The following COL12A1 variants were observed in gnomAD, a reference collection of about 807,000 sequenced individuals.
The protein encoded by COL12A1 is collagen alpha-1(XII) chain.
In COL12A1, 114 loss-of-function variants were observed where a neutral mutation model predicts 349.7. That is an observed-to-expected ratio of 0.33 (90% CI 0.28 to 0.38). COL12A1 has a LOEUF of 0.38. Ranked by LOEUF, COL12A1 falls within the 10% of genes least tolerant of loss-of-function variation. The pLI, the probability that COL12A1 is intolerant of heterozygous loss-of-function variation, is 1.00. For synonymous variants in COL12A1, 1,369 were observed against 1,329.0 expected, an observed-to-expected ratio of 1.03 and a Z score of -0.66; for missense variants, 3,284 against 3,756.9, an observed-to-expected ratio of 0.87 and a Z score of 3.29.
chr6:75,189,299 A>G lies in COL12A1; in HGVS notation c.741T>C (p.Ile247=). 1 of 1,613,234 alleles carries G rather than the reference A, an allele frequency of 6.2e-7. No homozygotes were observed. The highest frequency in any genetic ancestry group is 8.5e-7 in the Non-Finnish European group (1 of 1,179,484). The change falls in exon 7 of 66, where the codon ATT becomes ATC. Residue 247 remains isoleucine, a synonymous_variant. Coordinates refer to ENST00000322507, the MANE Select transcript of COL12A1 (RefSeq NM_004370.6). ...ARVGFPKVAI[I]ITDGKSQDEV... ...CATCCTGGGATTTTCCATCCGTAAT[A>G]ATAATTGCCACTTTAGGAAAGCCAA...
intron 24 of COL12A1, among the ~76,000 whole-genome samples, 195 bp from the exon 25 acceptor site, chr6:75,145,650 G>C (rs1353603774): frequency 2.8e-5 from 1 of 36,294 alleles, no homozygotes; most frequent in Non-Finnish European, 5.3e-5. Flanking sequence ...TTTTGTTTTT[G>C]AGACAGAGTC....
intron 49 of COL12A1, among the ~76,000 whole-genome samples, 172 bp downstream of exon 49, chr6:75,115,612 A>G (rs1769037258): frequency 6.6e-6 from 1 of 152,146 alleles, no homozygotes; most frequent in African/African-American, 2.4e-5. Flanking sequence ...TGTGCAAACA[A>G]CTATGTAACC....
chr6:75,152,335 A>G lies in COL12A1; in HGVS notation c.3713T>C (p.Ile1238Thr), dbSNP rs2149417585. The change falls in exon 18 of 66, where the codon ATT becomes ACT. Residue 1238 changes from isoleucine to threonine, a missense_variant and splice_region_variant. Coordinates refer to ENST00000322507, the MANE Select transcript of COL12A1 (RefSeq NM_004370.6). Reference protein sequence around the residue: ...VFDIGPKRVQIALAQYSGDPR... With the variant: ...VFDIGPKRVQTALAQYSGDPR... ...GCTCCAATGTTGTCAGAACCTACCA[A>G]TTTGTACTCTTTTGGGGCCAATGTC... is the stretch of plus-strand genomic sequence containing the variant. The G allele has an allele frequency of 6.2e-7, 1 of 1,613,576 alleles. No individual in the cohort carries two copies. Among genetic ancestry groups the G allele is most frequent in the Non-Finnish European group, 8.5e-7 (1 of 1,179,704 alleles).
At chr6:75,134,496 G>C (rs749443582) in intron 32 of COL12A1, among the ~76,000 whole-genome samples, 2 of 152,104 alleles carry the variant, frequency 1.3e-5, no homozygotes, top group East Asian at 3.9e-4. Flanking sequence ...GCTTGAACCC[G>C]GGAGGCAGAG....
At chr6:75,117,655 ATG>A in intron 46 of COL12A1, 109 bp from the exon 47 acceptor site, 1 of 1,169,454 alleles carries the variant, frequency 8.6e-7, no homozygotes, top group Non-Finnish European at 1.2e-6. Flanking sequence ...TTCTTAATGT[ATG>A]CAGCAAGTCC....
chr6:75,106,298 C>T lies in COL12A1; in HGVS notation c.8178+121G>A, dbSNP rs983136483. The T allele has an allele frequency of 1.5e-5, 12 of 798,464 alleles. 1 individual carries two copies. Among genetic ancestry groups the T allele is most frequent in the Admixed American group, 4.6e-5 (2 of 43,444 alleles). The allele number at this position is 798,464 out of a possible 1,614,324, so 49.5% of individuals were successfully genotyped here. On this transcript the variant is annotated intron_variant, in intron 53 of 65. Coordinates refer to ENST00000322507, the MANE Select transcript of COL12A1 (RefSeq NM_004370.6). Reference sequence around the variant, plus strand: ...GTAGCTGGTGAGCACCCACACATTGCGTGTCTTTTAGCTCCATCCTGAATA... The same window carrying T: ...GTAGCTGGTGAGCACCCACACATTGTGTGTCTTTTAGCTCCATCCTGAATA...
intron 13 of COL12A1, among the ~76,000 whole-genome samples, chr6:75,170,307 G>A (rs898390217): frequency 1.2e-4 from 18 of 152,156 alleles, no homozygotes; most frequent in Admixed American, 3.3e-4. Flanking sequence ...AAAATGTAAC[G>A]TAAACTCTCT....
In COL12A1 at chr6:75,189,894, T is replaced by A; in HGVS notation, c.395-79A>T. ...ATACATGTTAACATTGCAAAAATGT[T>A]GGCTCCTTAAATCATTCTGTTCATT... On this transcript the variant is annotated intron_variant, in intron 5 of 65. Coordinates refer to ENST00000322507, the MANE Select transcript of COL12A1 (RefSeq NM_004370.6). The A allele has an allele frequency of 2.0e-6, 3 of 1,492,828 alleles. No individual in the cohort carries two copies. The East Asian group carries it at 6.9e-5, about 34-fold the overall frequency. 92.5% of individuals were successfully genotyped at this position (1,492,828 alleles called of 1,614,324 possible).
intron 23 of COL12A1, 92 bp downstream of exon 23, chr6:75,147,583 A>G: frequency 8.2e-7 from 1 of 1,221,458 alleles, no homozygotes. Flanking sequence ...AATGTTAAAT[A>G]AAGAAATTAT....
In COL12A1 at chr6:75,130,130, G is replaced by A; in HGVS notation, c.6171C>T (p.Ile2057=). Residue 2057 remains isoleucine (I), a synonymous_variant, in exon 37 of 66, where the codon ATC becomes ATT. Transcript: ENST00000322507. ...GATCACCAACAGTGGGAGAATAGAT[G>A]ATCCTGTACTGCTGAACTGGCCCAT... ...HADGPVQQYR[I]IYSPTVGDPI... The A allele has an allele frequency of 1.2e-6, 2 of 1,614,022 alleles. No individual in the cohort carries two copies. The highest frequency in any genetic ancestry group is 1.7e-4 in the Middle Eastern group (1 of 6,056).
chr6:75,147,637 A>C, intron 23 of COL12A1, 38 bp downstream of exon 23: 1 of 1,564,754 alleles, frequency 6.4e-7, no homozygotes, highest in Non-Finnish European at 8.6e-7. Flanking sequence ...TATCTTGGAA[A>C]AGAAAGCAAT....
chr6:75,113,814 T>A, intron 49 of COL12A1, 70 bp from the exon 50 acceptor site: 1 of 1,187,210 alleles, frequency 8.4e-7, no homozygotes, highest in African/African-American at 1.5e-5. Flanking sequence ...AAAGATTGAT[T>A]GCTTTAACAT....
At chr6:75,164,476 A>G (rs998595332) in intron 14 of COL12A1, among the ~76,000 whole-genome samples, 1 of 152,218 alleles carries the variant, frequency 6.6e-6, no homozygotes, top group Non-Finnish European at 1.5e-5. Flanking sequence ...TTCCCAAAAC[A>G]AAAGGATTAA....
At chr6:75,165,375 A>T in intron 14 of COL12A1, 132 bp downstream of exon 14, 1 of 1,240,408 alleles carries the variant, frequency 8.1e-7, no homozygotes, top group Non-Finnish European at 1.1e-6. Flanking sequence ...AATTCTTTAA[A>T]GATCCTAATT....
intron 48 of COL12A1, 45 bp downstream of exon 48, chr6:75,115,974 T>C (rs764992679): frequency 3.5e-5 from 57 of 1,612,360 alleles, no homozygotes; most frequent in Non-Finnish European, 4.7e-5. Flanking sequence ...ATTATTTTAT[T>C]GCTTAAATCT....
Position 75,152,039 on chromosome 6 carries a change from G to A in COL12A1, c.3836-8C>T. On this transcript the variant is annotated splice_polypyrimidine_tract_variant and splice_region_variant and intron_variant, in intron 19 of 65. Transcript: ENST00000322507. ...TGAAATTCAAAGCCATGCCTAGTGG[G>A]ATTTTTAAAAGAGAATCAGTCACAT... is the stretch of plus-strand genomic sequence containing the variant. The A allele has an allele frequency of 6.2e-7, 1 of 1,613,774 alleles. No individual in the cohort carries two copies. Among genetic ancestry groups the A allele is most frequent in the East Asian group, 2.2e-5 (1 of 44,880 alleles).
intron 59 of COL12A1, 103 bp from the exon 60 acceptor site, chr6:75,095,282 C>T: frequency 1.2e-6 from 1 of 807,386 alleles, no homozygotes; most frequent in Non-Finnish European, 2.0e-6. Flanking sequence ...TGAAACAACT[C>T]ATAATTACAC....
At position 75,202,784 on chromosome 6, in the gene COL12A1, A is replaced by G. The variant is rs1402935449; in HGVS notation, c.9T>C (p.Ser3=). MR[S]RLPPALAALG... is the part of the protein sequence containing the mutation. ...GGGCGGCAAGCGCTGGGGGAAGCCT[A>G]CTCCGCATCCTTGGCCTCCGAGCTT... The change falls in exon 2 of 66, where the codon AGT becomes AGC. Residue 3 remains serine, a synonymous_variant. Coordinates refer to ENST00000322507, the MANE Select transcript of COL12A1 (RefSeq NM_004370.6). 2 of 1,551,616 alleles carry G rather than the reference A, an allele frequency of 1.3e-6. No homozygotes were observed. The highest frequency in any genetic ancestry group is 2.4e-5 in the East Asian group (1 of 40,938).
At chr6:75,127,069 C>T (rs78049725) in intron 38 of COL12A1, among the ~76,000 whole-genome samples, 1,931 of 152,096 alleles carry the variant, frequency 0.013, 48 homozygotes, top group African/African-American at 0.044. Context: ...GCGCAAATAA[C>T]GAATCCAACT....
Sources: gnomAD v4.1 joint callset for allele counts (sites outside exome capture counted in the v4.1 genomes callset) on GRCh38, gnomAD v4.1.1 for gene constraint, MANE v1.5 for transcripts, NCBI Gene and HGNC (gene_info 2026-07-23, HGNC 2026-07-21) for gene names.